Variants in FAN1 observed in about 807,000 individuals in gnomAD.
FAN1 encodes fanconi-associated nuclease 1.
In FAN1, 91 loss-of-function variants were observed where a neutral mutation model predicts 104.9. The ratio of observed to expected loss-of-function variants is 0.87; its 90% CI spans 0.73 to 1.03. The LOEUF (loss-of-function observed/expected upper bound fraction) is 1.03. Ranked by LOEUF, FAN1 falls within the 50% of genes least tolerant of loss-of-function variation. FAN1 has a pLI of 0.00. For synonymous variants in FAN1, 478 were observed against 457.6 expected, an observed-to-expected ratio of 1.04 and a Z score of -0.57; for missense variants, 1,263 against 1,239.9, an observed-to-expected ratio of 1.02 and a Z score of -0.28.
Position 30,904,955 on chromosome 15 carries a change from A to ACACCTAAGAAGTC in FAN1, c.293_305dup (p.Pro103ThrfsTer2). On this transcript the variant is annotated frameshift_variant, in exon 2 of 15. Transcript: ENST00000362065. LOFTEE classifies it high-confidence loss of function. ...AACCAGTGTTACCTTAGAAGATGTAACACCTAAGAAGTCACCACCACCAAA... is the reference window on the plus strand; with the variant it reads ...AACCAGTGTTACCTTAGAAGATGTAACACCTAAGAAGTCCACCTAAGAAGTCACCACCACCAAA... 6.2e-7 allele frequency: 1 copy of ACACCTAAGAAGTC among 1,614,024 alleles called. No homozygotes were observed. Among genetic ancestry groups the ACACCTAAGAAGTC allele is most frequent in the Non-Finnish European group, 8.5e-7 (1 of 1,180,008 alleles).
chr15:30,922,784 C>G (rs991540053), intron 8 of FAN1, among the ~76,000 whole-genome samples: 4 of 152,228 alleles, frequency 2.6e-5, no homozygotes, highest in African/African-American at 7.2e-5. Context: ...CTTTCCCTAT[C>G]TTATTGCAGG....
intron 2 of FAN1, among the ~76,000 whole-genome samples, chr15:30,907,034 G>C (rs2061995537): frequency 6.6e-6 from 1 of 151,784 alleles, no homozygotes; most frequent in African/African-American, 2.4e-5. Flanking sequence ...CAATCTGTTG[G>C]TGTGTAGAAA....
intron 3 of FAN1, among the ~76,000 whole-genome samples, chr15:30,908,541 G>A (rs1259835738): frequency 6.6e-6 from 1 of 152,148 alleles, no homozygotes; most frequent in Non-Finnish European, 1.5e-5. Context: ...ACATGGGTGT[G>A]TGCCACAGAA....
At position 30,918,286 on chromosome 15, in the gene FAN1, C is replaced by G; in HGVS notation, c.1934C>G (p.Pro645Arg). ...GATTGGAACAGACTGAAAAACCACC[C>G]TTCTCTGAGGTGAGAGTTTTTCTAG... ...KRDWNRLKNH[P>R]SLRCHEDLPL... is the part of the protein sequence containing the mutation. The change falls in exon 6 of 15, where the codon CCT (proline) becomes CGT (arginine). Residue 645 changes from proline to arginine, a missense_variant. Coordinates refer to ENST00000362065, the MANE Select transcript of FAN1 (RefSeq NM_014967.5). The G allele has an allele frequency of 4.3e-6, 7 of 1,614,084 alleles. No individual in the cohort carries two copies. Among genetic ancestry groups the G allele is most frequent in the Non-Finnish European group, 5.9e-6 (7 of 1,180,006 alleles).
At chr15:30,912,953 A>G (rs1379990795) in intron 4 of FAN1, among the ~76,000 whole-genome samples, 1 of 152,228 alleles carries the variant, frequency 6.6e-6, no homozygotes, top group Non-Finnish European at 1.5e-5. Context: ...TTAGACCTCC[A>G]AGCCCACCTT....
At chr15:30,929,620 ATATT>A (rs1234936528) in intron 12 of FAN1, among the ~76,000 whole-genome samples, 4 of 127,720 alleles carry the variant, frequency 3.1e-5, no homozygotes, top group African/African-American at 9.4e-5. Flanking sequence ...TATATAATAT[ATATT>A]ATATATTATA....
intron 10 of FAN1, 37 bp from the exon 11 acceptor site, chr15:30,928,516 G>GTGTGTGTGTGTGTGTA (rs2062526881): frequency 6.2e-7 from 1 of 1,601,222 alleles, no homozygotes; most frequent in South Asian, 1.1e-5. Context: ...TTGTGTGTGT[G>GTGTGTGTGTGTGTGTA]TGTGTGTGTG....
chr15:30,927,792 G>T, intron 10 of FAN1: 1 of 985,824 alleles, frequency 1.0e-6, no homozygotes, highest in Non-Finnish European at 1.2e-6. Flanking sequence ...AGCTGGATGA[G>T]CTGGGGCTTG....
chr15:30,929,919 A>G lies in FAN1; in HGVS notation c.2787+522A>G, dbSNP rs1170954991. 2.6e-5 allele frequency among the ~76,000 whole-genome samples: 2 copies of G among 78,412 alleles called. 1 individual carries two copies. Among genetic ancestry groups the G allele is most frequent in the Non-Finnish European group, 4.5e-5 (2 of 44,438 alleles). The allele number at this position is 78,412 out of a possible 152,430, so 51.4% of individuals were successfully genotyped here. ...ATAATATATAAAATATATAATATAT[A>G]TCATATATAATATATAAAATATATA... On this transcript the variant is annotated intron_variant, in intron 12 of 14. Transcript: ENST00000362065.
In FAN1 at chr15:30,942,823, T is replaced by C; in HGVS notation, c.*1261T>C. On this transcript the variant is annotated 3_prime_UTR_variant, in exon 15 of 15. Transcript: ENST00000362065. ...GGAAGTGCCTTTACTTTTAACGCTC[T>C]CTGTTCTGAAAAAGAGGTGTTTGGT... 1 of 1,444,082 alleles carries C rather than the reference T, an allele frequency of 6.9e-7. No individual in the cohort carries two copies. 89.5% of individuals were successfully genotyped at this position (1,444,082 alleles called of 1,614,324 possible). A position where few individuals can be genotyped will look rare whatever the true frequency, so the allele number is the denominator to read the frequency against.
chr15:30,929,739 T>TAA (rs1566929839), intron 12 of FAN1, among the ~76,000 whole-genome samples: 2 of 32,908 alleles, frequency 6.1e-5, no homozygotes, highest in Non-Finnish European at 9.5e-5. Context: ...ATATAATATA[T>TAA]TATATCATAT....
intron 13 of FAN1, 129 bp downstream of exon 13, chr15:30,930,800 C>A: frequency 8.5e-7 from 1 of 1,183,224 alleles, no homozygotes; most frequent in Non-Finnish European, 1.2e-6. Flanking sequence ...GGCCGAGGGC[C>A]TGGGTTCCTG....
intron 3 of FAN1, 77 bp downstream of exon 3, chr15:30,908,335 A>G (rs916024362): frequency 1.5e-6 from 2 of 1,290,324 alleles, no homozygotes; most frequent in Non-Finnish European, 2.1e-6. Flanking sequence ...TGGCAGTATT[A>G]TTATGGTGCC....
At chr15:30,931,534 C>G (rs2062710028) in intron 13 of FAN1, among the ~76,000 whole-genome samples, 1 of 152,174 alleles carries the variant, frequency 6.6e-6, no homozygotes, top group African/African-American at 2.4e-5. Flanking sequence ...CCTTTGTTTT[C>G]TTCTAGAAGT....
intron 14 of FAN1, chr15:30,938,860 G>C (rs1057374541): frequency 6.1e-5 from 58 of 952,060 alleles, no homozygotes; most frequent in Non-Finnish European, 6.9e-5. Flanking sequence ...GGATGACACA[G>C]AAGTATGGGT....
rs772709679 is a variant in FAN1, at chr15:30,941,733, C to T, written c.*171C>T. ...TGTTGCCGCAGCATCCTGCTCAGTA[C>T]GTCGACTTCATCAGCCAGGAGGGAG... is the stretch of plus-strand genomic sequence containing the variant. On this transcript the variant is annotated 3_prime_UTR_variant, in exon 15 of 15. Transcript: ENST00000362065. 5.1e-5 allele frequency: 83 copies of T among 1,613,832 alleles called. No homozygotes were observed. In the Middle Eastern group the frequency reaches 6.6e-4, roughly 13 times the overall value.
Position 30,904,232 on chromosome 15 carries a change from T to C in FAN1, c.-153+221T>C, listed in dbSNP as rs577492758. On this transcript the variant is annotated intron_variant, in intron 1 of 14. Transcript: ENST00000362065. ...AAAAGTTACTCATACAGTGGTCTTG[T>C]AAAGGGTCTGAAGTGGTCAAATTGT... Among the ~76,000 whole-genome samples the C allele has an allele frequency of 3.9e-5, 6 of 152,330 alleles. No individual in the cohort carries two copies. The South Asian group carries it at 1.0e-3, about 26-fold the overall frequency.
intron 13 of FAN1, among the ~76,000 whole-genome samples, chr15:30,935,048 G>C (rs1206250882): frequency 1.3e-5 from 2 of 152,074 alleles, no homozygotes; most frequent in East Asian, 3.9e-4. Flanking sequence ...TTTCACGCCT[G>C]TAATTCCAGC....
In FAN1 at chr15:30,929,331, T is replaced by C. The variant is rs762556770; in HGVS notation, c.2721T>C (p.His907=). 6.2e-7 allele frequency: 1 copy of C among 1,611,972 alleles called. No individual in the cohort carries two copies. Among genetic ancestry groups the C allele is most frequent in the Admixed American group, 1.7e-5 (1 of 59,704 alleles). Residue 907 remains histidine (H), a synonymous_variant, in exon 12 of 15, where the codon CAT becomes CAC. Coordinates refer to ENST00000362065, the MANE Select transcript of FAN1 (RefSeq NM_014967.5). ...GGGCCTGGGTGGCAGCCACGTGGCA[T>C]GAGCAGGAAGGCAGAGTGGCTTCCC... ...SLRAWVAATW[H]EQEGRVASLV...
Sources: allele counts gnomAD v4.1 joint callset (sites outside exome capture counted in the v4.1 genomes callset), GRCh38; gene constraint gnomAD v4.1.1; transcripts MANE v1.5; gene names NCBI Gene and HGNC (gene_info 2026-07-23, HGNC 2026-07-21).